BFSP1: variants seen among roughly 807,000 people sequenced by gnomAD.
BFSP1 encodes the protein beaded filament structural protein 1.
BFSP1 carries 38 observed loss-of-function variants against 43.9 expected under a neutral mutation model. The ratio of observed to expected loss-of-function variants is 0.87; its 90% CI spans 0.67 to 1.14. BFSP1 has a LOEUF of 1.14. Ranked by LOEUF, BFSP1 falls within the 50% of genes most tolerant of loss-of-function variation. The pLI is 0.00. For synonymous variants in BFSP1, 352 were observed against 354.8 expected (o/e 0.99, Z 0.09); for missense variants, 850 against 875.1 (o/e 0.97, Z 0.36).
chr20:17,513,509 G>C (rs538572286), intron 3 of BFSP1, among the ~76,000 whole-genome samples: 4 of 152,206 alleles, frequency 2.6e-5, no homozygotes, highest in Non-Finnish European at 4.4e-5. Flanking sequence ...AAGCAAGGAG[G>C]TGGGTGGGGA....
chr20:17,498,929 G>A lies in BFSP1; in HGVS notation c.847C>T (p.Arg283Trp), dbSNP rs1214172583. Reference protein sequence around the residue: ...TLRKEIEETERVLEKSSYDCR... With the variant: ...TLRKEIEETEWVLEKSSYDCR... ...TCGTAAGAAGACTTCTCCAGGACCC[G>A]CTCTGTCTCCTCAATCTCCTTGCGC... The change falls in exon 6 of 8, where the codon CGG (arginine) becomes TGG (tryptophan). Residue 283 changes from arginine (R) to tryptophan (W), a missense_variant. Arg to Trp is a moderately radical substitution (Grantham distance 101, BLOSUM62 -3). Coordinates refer to ENST00000377873, the MANE Select transcript of BFSP1 (RefSeq NM_001195.5). 5.6e-6 allele frequency: 9 copies of A among 1,614,044 alleles called. No homozygotes were observed. The highest frequency in any genetic ancestry group is 3.3e-5 in the South Asian group (3 of 91,078).
Position 17,495,012 on chromosome 20 carries a change from G to T in BFSP1, c.1060C>A (p.Gln354Lys), listed in dbSNP as rs1296780837. 2 of 1,611,920 alleles carry T rather than the reference G, an allele frequency of 1.2e-6. No homozygotes were observed. The highest frequency in any genetic ancestry group is 1.1e-5 in the South Asian group (1 of 90,812). ...SGGKDLTRAL[Q>K]DITAAKPRQK... ...CTTGGTTTTGCTGCTGTTATATCCT[G>T]CAGAGCTCTGGTAAGATCTGGAAAA... is the stretch of plus-strand genomic sequence containing the variant. Residue 354 changes from glutamine to lysine, a missense_variant, in exon 8 of 8, where the codon CAG (glutamine) becomes AAG (lysine). Gln to Lys is a moderately conservative substitution (Grantham distance 53). Coordinates refer to ENST00000377873, the MANE Select transcript of BFSP1 (RefSeq NM_001195.5).
intron 1 of BFSP1, among the ~76,000 whole-genome samples, chr20:17,553,828 T>TATATATAC (rs1304352474): frequency 0.23 from 23,952 of 102,602 alleles, 3,808 homozygotes; most frequent in Non-Finnish European, 0.28. Context: ...CACACACATA[T>TATATATAC]ATATATATAC....
chr20:17,497,440 A>G (rs962988246), intron 6 of BFSP1, among the ~76,000 whole-genome samples: 2 of 63,390 alleles, frequency 3.2e-5, no homozygotes, highest in Admixed American at 3.8e-4. Flanking sequence ...ATGTATATAT[A>G]CGTGTATGTA....
chr20:17,496,340 T>C (rs998942986), intron 7 of BFSP1, among the ~76,000 whole-genome samples: 2 of 152,234 alleles, frequency 1.3e-5, no homozygotes, highest in Non-Finnish European at 2.9e-5. Context: ...CCCCAAATGC[T>C]GCGCTTGTTC....
At chr20:17,558,881 A>C in exon 1 of BFSP1, 3 of 662,872 alleles carry the variant, frequency 4.5e-6, no homozygotes, top group African/African-American at 1.8e-5. Context: ...CACTGGCTCA[A>C]GGGGTGGGAG....
intron 2 of BFSP1, among the ~76,000 whole-genome samples, chr20:17,519,410 C>T (rs2034271283): frequency 6.6e-6 from 1 of 152,320 alleles, no homozygotes; most frequent in South Asian, 2.1e-4. Flanking sequence ...CAACTCGATG[C>T]AACATGAGGG....
upstream of BFSP1, among the ~76,000 whole-genome samples, chr20:17,561,997 T>C (rs2035070979): frequency 6.6e-6 from 1 of 152,030 alleles, no homozygotes; most frequent in Non-Finnish European, 1.5e-5. Flanking sequence ...CTCGGCTCAC[T>C]GCAACCTCTG....
In BFSP1 at chr20:17,531,007, C is replaced by A; in HGVS notation, c.323G>T (p.Arg108Leu). Residue 108 changes from arginine (R) to leucine (L), a missense_variant, in exon 1 of 8, where the codon CGG becomes CTG. Physicochemically the swap from Arg to Leu is moderately radical, Grantham distance 102. Coordinates refer to ENST00000377873, the MANE Select transcript of BFSP1 (RefSeq NM_001195.5). Reference protein sequence around the residue: ...RVRDLEAERARLERQGTEAQR... With the variant: ...RVRDLEAERALLERQGTEAQR... ...CGCCTCGGTGCCCTGGCGCTCCAGC[C>A]GGGCGCGCTCGGCCTCCAGGTCCCG... is the stretch of plus-strand genomic sequence containing the variant. 1 of 1,435,312 alleles carries A rather than the reference C, an allele frequency of 7.0e-7. No homozygotes were observed. The highest frequency in any genetic ancestry group is 1.5e-5 in the African/African-American group (1 of 67,302). The allele number at this position is 1,435,312 out of a possible 1,614,324, so 88.9% of individuals were successfully genotyped here.
At chr20:17,532,575 C>T (rs1006135505), upstream of BFSP1, among the ~76,000 whole-genome samples, 1 of 151,872 alleles carries the variant, frequency 6.6e-6, no homozygotes, top group African/African-American at 2.4e-5. Context: ...AATTGGCCAA[C>T]CCTCAATTCG....
chr20:17,533,293 T>C (rs908454209), upstream of BFSP1, among the ~76,000 whole-genome samples: 2 of 152,216 alleles, frequency 1.3e-5, no homozygotes, highest in African/African-American at 4.8e-5. Flanking sequence ...TATACCATGC[T>C]GATAGCATGG....
intron 3 of BFSP1, among the ~76,000 whole-genome samples, chr20:17,513,989 G>T (rs1400797215): frequency 2.0e-5 from 3 of 152,196 alleles, no homozygotes; most frequent in African/African-American, 7.2e-5. Context: ...GGGGACAGGA[G>T]TTCCCCAACA....
upstream of BFSP1, among the ~76,000 whole-genome samples, chr20:17,535,558 C>G (rs1328590328): frequency 6.6e-6 from 1 of 152,080 alleles, no homozygotes; most frequent in African/African-American, 2.4e-5. Flanking sequence ...TCTGAACTAT[C>G]TAGGAGCAAA....
At chr20:17,532,447 T>C (rs1600668938), upstream of BFSP1, among the ~76,000 whole-genome samples, 1 of 151,822 alleles carries the variant, frequency 6.6e-6, no homozygotes, top group Non-Finnish European at 1.5e-5. Flanking sequence ...ATTGCTTTTT[T>C]CTTTTTCTTT....
At chr20:17,550,064 C>CTTT (rs759503933) in intron 1 of BFSP1, among the ~76,000 whole-genome samples, 30 of 152,236 alleles carry the variant, frequency 2.0e-4, no homozygotes, top group Non-Finnish European at 3.4e-4. Context: ...TGAGGTAGTA[C>CTTT]CACTCGGGAT....
chr20:17,558,734 A>G, exon 1 of BFSP1: 3 of 1,551,508 alleles, frequency 1.9e-6, no homozygotes, highest in Middle Eastern at 3.3e-4. Flanking sequence ...TTGAAAATCC[A>G]TTCAGCTCAC....
chr20:17,508,514 T>A (rs1379181950), intron 5 of BFSP1, among the ~76,000 whole-genome samples: 1 of 152,184 alleles, frequency 6.6e-6, no homozygotes, highest in Non-Finnish European at 1.5e-5. Context: ...CCCTATGGTG[T>A]CCGTTTCTTC....
rs1472815882 is a variant in BFSP1 at position 17,496,924 on chromosome 20, T to C, written c.1042+14A>G. On this transcript the variant is annotated intron_variant, in intron 7 of 7. Coordinates refer to ENST00000377873, the MANE Select transcript of BFSP1 (RefSeq NM_001195.5). ...GACAGAAAAAAACAGAAGTCCAGTG[T>C]TGGGGAGCGTTACCTTTCCCACCGG... 2.6e-6 allele frequency: 4 copies of C among 1,521,732 alleles called. No homozygotes were observed. Among genetic ancestry groups the C allele is most frequent in the African/African-American group, 2.8e-5 (2 of 71,260 alleles). The allele number at this position is 1,521,732 out of a possible 1,614,324, so 94.3% of individuals were successfully genotyped here. A position where few individuals can be genotyped will look rare whatever the true frequency, so the allele number is the denominator to read the frequency against.
intron 2 of BFSP1, among the ~76,000 whole-genome samples, chr20:17,518,499 A>T (rs978380837): frequency 1.3e-5 from 2 of 152,226 alleles, no homozygotes; most frequent in Non-Finnish European, 2.9e-5. Flanking sequence ...GATCAGACCC[A>T]GACTGATGCA....
Sources: allele counts gnomAD v4.1 joint callset (sites outside exome capture counted in the v4.1 genomes callset), GRCh38; gene constraint gnomAD v4.1.1; transcripts MANE v1.5; gene names NCBI Gene and HGNC (gene_info 2026-07-23, HGNC 2026-07-21).